The following PPP1R13B variants were observed in gnomAD, a reference collection of about 807,000 sequenced individuals.
PPP1R13B encodes protein phosphatase 1 regulatory subunit 13B, also known as apoptosis-stimulating of p53 protein 1.
PPP1R13B carries 44 observed loss-of-function variants against 119.8 expected under a neutral mutation model. The ratio of observed to expected loss-of-function variants is 0.37; its 90% CI spans 0.29 to 0.47. The LOEUF (loss-of-function observed/expected upper bound fraction) is 0.47. PPP1R13B is among the 20% of genes least tolerant of loss of function. PPP1R13B has a pLI of 0.99. For missense variants in PPP1R13B, 1,227 were observed against 1,413.5 expected (o/e 0.87, Z 2.12); for synonymous variants, 542 against 561.5 (o/e 0.97, Z 0.49).
chr14:103,780,686 C>A (rs189678721), intron 3 of PPP1R13B, among the ~76,000 whole-genome samples: 18 of 151,126 alleles, frequency 1.2e-4, no homozygotes, highest in African/African-American at 3.9e-4. Flanking sequence ...TGGTGGTGCA[C>A]ACCTGTAGTC....
At chr14:103,761,877 T>TA (rs1341566956) in intron 4 of PPP1R13B, among the ~76,000 whole-genome samples, 7 of 152,252 alleles carry the variant, frequency 4.6e-5, no homozygotes, top group Non-Finnish European at 8.8e-5. Flanking sequence ...TCAACCCAAT[T>TA]GTTCCTAGTC....
intron 1 of PPP1R13B, among the ~76,000 whole-genome samples, chr14:103,832,889 C>T (rs1415901441): frequency 6.6e-6 from 1 of 151,580 alleles, no homozygotes; most frequent in Non-Finnish European, 1.5e-5. Context: ...GGATGGGGCA[C>T]GAGAATCACT....
At chr14:103,748,068 C>CAT (rs1352103500) in intron 8 of PPP1R13B, among the ~76,000 whole-genome samples, 3 of 3,760 alleles carry the variant, frequency 8.0e-4, no homozygotes, top group South Asian at 9.6e-3. Flanking sequence ...AAATCACATA[C>CAT]ACACACACAC....
rs1333584060 is a variant in PPP1R13B, at chr14:103,742,863, T to G, written c.1151-40A>C. 1 of 1,608,570 alleles carries G rather than the reference T, an allele frequency of 6.2e-7. No homozygotes were observed. Among genetic ancestry groups the G allele is most frequent in the Non-Finnish European group, 8.5e-7 (1 of 1,176,586 alleles). ...AGAACTTACGTAAAACTTTTCTCAA[T>G]GTAGTTGAACCAACCTAAGAATAAC... is the stretch of plus-strand genomic sequence containing the variant. On this transcript the variant is annotated intron_variant, in intron 9 of 16. Coordinates refer to ENST00000202556, the MANE Select transcript of PPP1R13B (RefSeq NM_015316.3). The surrounding 1 kb of genome is among the most constrained non-coding windows in gnomAD (Gnocchi z 4.9).
At chr14:103,801,191 G>A (rs747900444) in intron 1 of PPP1R13B, among the ~76,000 whole-genome samples, 3 of 152,040 alleles carry the variant, frequency 2.0e-5, no homozygotes, top group Non-Finnish European at 4.4e-5. Context: ...TTATTCCCTT[G>A]CTTAAAATAT....
At chr14:103,778,038 G>C (rs1174871099) in intron 4 of PPP1R13B, among the ~76,000 whole-genome samples, 1 of 151,030 alleles carries the variant, frequency 6.6e-6, no homozygotes, top group African/African-American at 2.4e-5. Context: ...TCCAACCTCT[G>C]CCTCCTGGGT....
At chr14:103,848,288 C>G, upstream of PPP1R13B, 1 of 985,470 alleles carries the variant, frequency 1.0e-6, no homozygotes, top group Non-Finnish European at 1.2e-6. Flanking sequence ...CAGCATCCCT[C>G]GAGGTCCAGC....
Position 103,746,564 on chromosome 14 carries a change from G to A in PPP1R13B, c.970-11C>T. 6.4e-7 allele frequency: 1 copy of A among 1,564,906 alleles called. No individual in the cohort carries two copies. Among genetic ancestry groups the A allele is most frequent in the Non-Finnish European group, 8.7e-7 (1 of 1,149,300 alleles). ...ATTCACACGGTTCAGCTACAAATTGGGAAGAAATGAGAGTCAAGATTCTCC... is the reference window on the plus strand; with the variant it reads ...ATTCACACGGTTCAGCTACAAATTGAGAAGAAATGAGAGTCAAGATTCTCC... On this transcript the variant is annotated splice_polypyrimidine_tract_variant and intron_variant, in intron 8 of 16. Transcript: ENST00000202556.
intron 1 of PPP1R13B, chr14:103,839,964 C>CA (rs776678142): frequency 6.6e-6 from 1 of 152,196 alleles, no homozygotes; most frequent in Non-Finnish European, 1.5e-5. Flanking sequence ...ACTAATATTT[C>CA]AAATGTCATA....
Position 103,816,495 on chromosome 14 carries a change from T to C in PPP1R13B, c.10-18977A>G, listed in dbSNP as rs529150844. 5.4e-3 allele frequency among the ~76,000 whole-genome samples: 799 copies of C among 147,800 alleles called. 6 individuals are homozygous for C. The highest frequency in any genetic ancestry group is 0.021 in the Middle Eastern group (6 of 290). ...TGAGGTCGGGAGTTCGAAACCAGCC[T>C]GGCCAACACGGTGAAACCCCGTCTC... On this transcript the variant is annotated intron_variant, in intron 1 of 16. Transcript: ENST00000202556.
At chr14:103,804,996 C>A (rs1567137271) in intron 1 of PPP1R13B, among the ~76,000 whole-genome samples, 1 of 152,144 alleles carries the variant, frequency 6.6e-6, no homozygotes, top group African/African-American at 2.4e-5. Context: ...GCTATCACGC[C>A]TGGCTAATTT....
chr14:103,735,036 G>T lies in PPP1R13B; in HGVS notation c.*118C>A. 1 of 1,126,584 alleles carries T rather than the reference G, an allele frequency of 8.9e-7. No individual in the cohort carries two copies. Among genetic ancestry groups the T allele is most frequent in the Non-Finnish European group, 1.3e-6 (1 of 749,128 alleles). 69.8% of individuals were successfully genotyped at this position (1,126,584 alleles called of 1,614,324 possible). Reference sequence around the variant, plus strand: ...AGGATTCACATTGTGGACGCTGTCTGCTAAAGTGAGCACCATTAAGACCAT... The same window carrying T: ...AGGATTCACATTGTGGACGCTGTCTTCTAAAGTGAGCACCATTAAGACCAT... On this transcript the variant is annotated 3_prime_UTR_variant, in exon 17 of 17. Coordinates refer to ENST00000202556, the MANE Select transcript of PPP1R13B (RefSeq NM_015316.3).
chr14:103,823,768 C>A (rs528563157), intron 1 of PPP1R13B, among the ~76,000 whole-genome samples: 1 of 152,188 alleles, frequency 6.6e-6, no homozygotes, highest in Non-Finnish European at 1.5e-5. Context: ...AACTTTCAAG[C>A]CTGCCAGAAA....
chr14:103,771,536 G>A (rs770194879), intron 4 of PPP1R13B, among the ~76,000 whole-genome samples: 31 of 140,626 alleles, frequency 2.2e-4, no homozygotes, highest in Non-Finnish European at 3.3e-4. Flanking sequence ...GCTGGAGTGC[G>A]ATGGCGTGAT....
intron 1 of PPP1R13B, among the ~76,000 whole-genome samples, chr14:103,807,296 T>A (rs555056634): frequency 3.3e-5 from 5 of 152,326 alleles, no homozygotes; most frequent in African/African-American, 1.2e-4. Context: ...TCTGTCCTCC[T>A]ACCCTGGTTT....
intron 3 of PPP1R13B, among the ~76,000 whole-genome samples, chr14:103,782,936 C>T (rs891982223): frequency 5.3e-5 from 8 of 151,954 alleles, no homozygotes; most frequent in Non-Finnish European, 1.0e-4. Flanking sequence ...CCCCGAGTAG[C>T]TGGGATTACA....
chr14:103,823,829 C>CT (rs1207156795), intron 1 of PPP1R13B, among the ~76,000 whole-genome samples: 2 of 149,098 alleles, frequency 1.3e-5, no homozygotes, highest in African/African-American at 5.0e-5. Flanking sequence ...TATACATACA[C>CT]TTTAAAAAAA....
chr14:103,739,982 G>C lies in PPP1R13B; in HGVS notation c.2434C>G (p.Gln812Glu), dbSNP rs80348425. The change falls in exon 12 of 17, where the codon CAA (glutamine) becomes GAA (glutamate). Residue 812 changes from glutamine (Q) to glutamate (E), a missense_variant. Physicochemically the swap from Gln to Glu is conservative, Grantham distance 29. Coordinates refer to ENST00000202556, the MANE Select transcript of PPP1R13B (RefSeq NM_015316.3). Reference protein sequence around the residue: ...EELICPQTTHQTAEPAEDNNN... With the variant: ...EELICPQTTHETAEPAEDNNN... ...TTGTCCTCTGCCGGCTCGGCAGTTT[G>C]GTGGGTGGTTTGGGGACAGATGAGC... 2 of 1,614,132 alleles carry C rather than the reference G, an allele frequency of 1.2e-6. No individual in the cohort carries two copies. The highest frequency in any genetic ancestry group is 1.7e-6 in the Non-Finnish European group (2 of 1,180,024).
chr14:103,846,671 T>C, intron 1 of PPP1R13B: 1 of 451,138 alleles, frequency 2.2e-6, no homozygotes, highest in South Asian at 1.6e-5. Flanking sequence ...AATGTCTTTC[T>C]AGGCGAAAGC....
Sources: gnomAD v4.1 joint callset for allele counts (sites outside exome capture counted in the v4.1 genomes callset) on GRCh38, gnomAD v4.1.1 for gene constraint, Gnocchi (gnomAD v3.1) non-coding constraint, MANE v1.5 for transcripts, NCBI Gene and HGNC (gene_info 2026-07-23, HGNC 2026-07-21) for gene names.